BTBD10: variants seen among roughly 807,000 people sequenced by gnomAD.
BTBD10 encodes the protein BTB domain containing 10.
Under a neutral mutation model 53.2 loss-of-function variants are expected in BTBD10, and 21 were observed. The observed-to-expected ratio is 0.39, with a 90% CI of 0.28 to 0.57. BTBD10 has a LOEUF of 0.57. BTBD10 is among the 20% of genes least tolerant of loss of function. The probability of loss-of-function intolerance (pLI) is 0.53; values close to 1 mark genes in which losing one functional copy is unlikely to be tolerated. For synonymous variants in BTBD10, 149 were observed against 192.7 expected, an observed-to-expected ratio of 0.77 and a Z score of 1.88; for missense variants, 360 against 594.7, an observed-to-expected ratio of 0.61 and a Z score of 4.10.
chr11:13,418,249 C>T (rs1352737297), intron 4 of BTBD10, among the ~76,000 whole-genome samples: 2 of 151,924 alleles, frequency 1.3e-5, no homozygotes, highest in South Asian at 2.1e-4. Flanking sequence ...CAAAGACACA[C>T]TTTAGTCAAT....
At chr11:13,436,367 C>T (rs1301901034) in intron 2 of BTBD10, among the ~76,000 whole-genome samples, 1 of 152,202 alleles carries the variant, frequency 6.6e-6, no homozygotes, top group African/African-American at 2.4e-5. Context: ...TATGCTAGTA[C>T]TTCCTCCAGC....
intron 6 of BTBD10, among the ~76,000 whole-genome samples, chr11:13,412,028 T>C (rs1460019798): frequency 6.6e-6 from 1 of 152,070 alleles, no homozygotes; most frequent in Admixed American, 6.5e-5. Context: ...AAGAGGTTTC[T>C]CCATGTTGGT....
At position 13,445,013 on chromosome 11, in the gene BTBD10, T is replaced by C; in HGVS notation, c.101+11A>G. The C allele has an allele frequency of 6.3e-7, 1 of 1,590,688 alleles. No homozygotes were observed. The highest frequency in any genetic ancestry group is 1.1e-5 in the South Asian group (1 of 90,452). The stretch of plus-strand genomic sequence containing the variant: ...GAGCTTTCATATGCGAAATACATAT[T>C]TTCTACCTACCTTGAATGTTTATAA... On this transcript the variant is annotated intron_variant, in intron 2 of 8. Coordinates refer to ENST00000278174, the MANE Select transcript of BTBD10 (RefSeq NM_032320.7).
chr11:13,420,721 C>T lies in BTBD10; in HGVS notation c.298+921G>A, dbSNP rs566081867. On this transcript the variant is annotated intron_variant, in intron 3 of 8. Coordinates refer to ENST00000278174, the MANE Select transcript of BTBD10 (RefSeq NM_032320.7). ...CATATCTCCAGAGATACTCTGACAC[C>T]TCCCTTTTATTGCCTGTTTCTACAA... Among the ~76,000 whole-genome samples, 5 of 152,230 alleles carry T rather than the reference C, an allele frequency of 3.3e-5. No individual in the cohort carries two copies. The East Asian group carries it at 9.6e-4, about 29-fold the overall frequency.
chr11:13,428,387 C>T (rs902984877), intron 2 of BTBD10, among the ~76,000 whole-genome samples: 4 of 152,086 alleles, frequency 2.6e-5, no homozygotes, highest in African/African-American at 7.2e-5. Context: ...CACCCCTACA[C>T]AGCTCTTCCA....
chr11:13,445,580 G>A (rs1468346526), intron 1 of BTBD10, among the ~76,000 whole-genome samples: 1 of 152,102 alleles, frequency 6.6e-6, no homozygotes, highest in African/African-American at 2.4e-5. Context: ...AGTTTAAGAT[G>A]CTTAGGAAAG....
intron 8 of BTBD10, among the ~76,000 whole-genome samples, chr11:13,394,424 T>C (rs1409057522): frequency 6.6e-6 from 1 of 152,066 alleles, no homozygotes; most frequent in Non-Finnish European, 1.5e-5. Context: ...CTTTGCCTTC[T>C]GCCATGATTG....
chr11:13,441,901 A>G (rs1349809927), intron 2 of BTBD10, among the ~76,000 whole-genome samples: 1 of 152,192 alleles, frequency 6.6e-6, no homozygotes, highest in Non-Finnish European at 1.5e-5. Flanking sequence ...ACATGATTCT[A>G]GCCAATGACT....
intron 8 of BTBD10, among the ~76,000 whole-genome samples, chr11:13,393,432 T>C (rs894348465): frequency 3.9e-5 from 6 of 152,224 alleles, no homozygotes; most frequent in Admixed American, 6.5e-5. Context: ...GGCATAGAAA[T>C]GGTGGGGGAG....
chr11:13,389,731 C>T (rs1015929647), intron 8 of BTBD10, among the ~76,000 whole-genome samples: 17 of 152,214 alleles, frequency 1.1e-4, no homozygotes, highest in African/African-American at 4.1e-4. Flanking sequence ...CCTCTAGCTA[C>T]GTATCCTTAT....
intron 6 of BTBD10, among the ~76,000 whole-genome samples, chr11:13,409,715 C>T (rs1176731900): frequency 3.3e-5 from 5 of 152,172 alleles, no homozygotes; most frequent in Non-Finnish European, 7.3e-5. Flanking sequence ...TCCACAGACC[C>T]TTTGTCATAC....
intron 2 of BTBD10, among the ~76,000 whole-genome samples, chr11:13,423,315 T>C (rs562717382): frequency 1.9e-4 from 29 of 152,226 alleles, no homozygotes; most frequent in Admixed American, 5.2e-4. Context: ...GCTTGGCATT[T>C]TGAATGATCC....
At chr11:13,394,476 T>A (rs1949486329) in intron 8 of BTBD10, among the ~76,000 whole-genome samples, 1 of 152,222 alleles carries the variant, frequency 6.6e-6, no homozygotes, top group East Asian at 1.9e-4. Context: ...CTGTTAAGCC[T>A]GCGGAATTGT....
chr11:13,413,717 A>C (rs1251206207), intron 5 of BTBD10, 67 bp from the exon 6 acceptor site: 1 of 1,442,544 alleles, frequency 6.9e-7, no homozygotes, highest in Non-Finnish European at 9.3e-7. Context: ...CTTATTATTA[A>C]GGAAGGGCTG....
chr11:13,442,642 C>G (rs1474912881), intron 2 of BTBD10, among the ~76,000 whole-genome samples: 1 of 152,130 alleles, frequency 6.6e-6, no homozygotes, highest in African/African-American at 2.4e-5. Flanking sequence ...ATTATTCTTT[C>G]TCTGAACTCT....
intron 1 of BTBD10, among the ~76,000 whole-genome samples, chr11:13,454,732 A>G (rs970168690): frequency 2.0e-5 from 3 of 151,010 alleles, no homozygotes; most frequent in African/African-American, 4.8e-5. Context: ...AATTAAAAAG[A>G]TTTTTAAAAA....
chr11:13,400,591 C>T (rs555335703), intron 8 of BTBD10, among the ~76,000 whole-genome samples: 1 of 152,380 alleles, frequency 6.6e-6, no homozygotes, highest in Admixed American at 6.5e-5. Flanking sequence ...TGAGATGAAC[C>T]TGGTACCTCA....
At position 13,421,757 on chromosome 11, in the gene BTBD10, T is replaced by C; in HGVS notation, c.183A>G (p.Ser61=). The C allele has an allele frequency of 6.2e-7, 1 of 1,614,160 alleles. No individual in the cohort carries two copies. Among genetic ancestry groups the C allele is most frequent in the Non-Finnish European group, 8.5e-7 (1 of 1,180,000 alleles). The change falls in exon 3 of 9, where the codon TCA becomes TCG. Residue 61 remains serine, a synonymous_variant. Coordinates refer to ENST00000278174, the MANE Select transcript of BTBD10 (RefSeq NM_032320.7). ...LHGASGGHER[S]RDRRRSSDRS... ...TGTCACTTGACCTTCGTCTATCTCT[T>C]GATCTCTCATGTCCCCCACTAGCAC...
intron 5 of BTBD10, among the ~76,000 whole-genome samples, chr11:13,415,806 C>T (rs771657578): frequency 6.6e-6 from 1 of 151,876 alleles, no homozygotes; most frequent in Non-Finnish European, 1.5e-5. Flanking sequence ...TATGCCACTA[C>T]ACCTAGCTAA....
Sources: gnomAD v4.1 joint callset for allele counts (sites outside exome capture counted in the v4.1 genomes callset) on GRCh38, gnomAD v4.1.1 for gene constraint, MANE v1.5 for transcripts, NCBI Gene and HGNC (gene_info 2026-07-23, HGNC 2026-07-21) for gene names.